FOXP2: variants seen among roughly 807,000 people sequenced by gnomAD.
FOXP2 encodes the protein forkhead box P2, also known as forkhead box protein P2.
Under a neutral mutation model 115.8 loss-of-function variants are expected in FOXP2, and 12 were observed. That is an observed-to-expected ratio of 0.10 (90% CI 0.07 to 0.17). The LOEUF is 0.17. Ranked by LOEUF, FOXP2 falls within the 10% of genes least tolerant of loss-of-function variation. FOXP2 has a pLI of 1.00. For synonymous variants in FOXP2, 328 were observed against 297.7 expected (o/e 1.10, Z -1.05); for missense variants, 629 against 843.5 (o/e 0.75, Z 3.15).
At chr7:114,196,996 A>G (rs1192493290) in intron 1 of FOXP2, among the ~76,000 whole-genome samples, 2 of 152,124 alleles carry the variant, frequency 1.3e-5, no homozygotes, top group Non-Finnish European at 2.9e-5. Context: ...GTTCGAGTCC[A>G]GCCTTGGCAA....
At chr7:114,166,352 A>G (rs1195003204) in intron 1 of FOXP2, among the ~76,000 whole-genome samples, 2 of 152,210 alleles carry the variant, frequency 1.3e-5, no homozygotes, top group Admixed American at 6.5e-5. Flanking sequence ...TTTGTAAAAT[A>G]GGTATCTGAT....
intron 1 of FOXP2, among the ~76,000 whole-genome samples, chr7:114,228,110 A>C (rs1228405625): frequency 3.3e-5 from 5 of 152,080 alleles, no homozygotes; most frequent in Non-Finnish European, 7.4e-5. Context: ...GTTATTTGAA[A>C]GATCAAACCA....
At chr7:114,380,647 G>A (rs1212552297) in intron 2 of FOXP2, among the ~76,000 whole-genome samples, 1 of 152,186 alleles carries the variant, frequency 6.6e-6, no homozygotes, top group Non-Finnish European at 1.5e-5. Flanking sequence ...CGCAGCACTG[G>A]CCCTTCAAGT....
At chr7:114,335,105 C>T (rs1349144971) in intron 2 of FOXP2, among the ~76,000 whole-genome samples, 2 of 151,008 alleles carry the variant, frequency 1.3e-5, no homozygotes, top group African/African-American at 4.9e-5. Flanking sequence ...CCTGTGAACT[C>T]CTTTATTTGT....
At chr7:114,265,712 G>A (rs1318911116) in intron 1 of FOXP2, among the ~76,000 whole-genome samples, 1 of 152,074 alleles carries the variant, frequency 6.6e-6, no homozygotes, top group Non-Finnish European at 1.5e-5. Flanking sequence ...TTCTGTGTGT[G>A]CACCCAGGCT....
At chr7:114,472,121 T>C (rs919466784) in intron 2 of FOXP2, among the ~76,000 whole-genome samples, 3 of 152,062 alleles carry the variant, frequency 2.0e-5, no homozygotes. Flanking sequence ...GCTGAAAGGG[T>C]TAATGAGTAG....
intron 2 of FOXP2, among the ~76,000 whole-genome samples, chr7:114,356,206 A>G (rs765502442): frequency 6.6e-6 from 1 of 152,092 alleles, no homozygotes; most frequent in Non-Finnish European, 1.5e-5. Flanking sequence ...TGTATCTTCT[A>G]TTACTTGGAG....
intron 2 of FOXP2, among the ~76,000 whole-genome samples, chr7:114,387,380 G>A (rs962042732): frequency 7.2e-5 from 11 of 152,270 alleles, no homozygotes; most frequent in Middle Eastern, 3.4e-3. Context: ...ACAGTACAAT[G>A]CTGATGCCAC....
At chr7:114,633,723 T>C (rs1465549695) in intron 6 of FOXP2, among the ~76,000 whole-genome samples, 1 of 152,136 alleles carries the variant, frequency 6.6e-6, no homozygotes, top group Non-Finnish European at 1.5e-5. Flanking sequence ...CCAGCTACAG[T>C]AAAGGAACCT....
intron 3 of FOXP2, among the ~76,000 whole-genome samples, chr7:114,571,422 C>A (rs983060871): frequency 1.3e-5 from 2 of 151,842 alleles, no homozygotes; most frequent in East Asian, 3.9e-4. Context: ...ATCCTCAAGT[C>A]TCCATTCAAG....
chr7:114,405,326 C>T (rs1793009073), intron 2 of FOXP2, among the ~76,000 whole-genome samples: 1 of 151,868 alleles, frequency 6.6e-6, no homozygotes, highest in Admixed American at 6.6e-5. Flanking sequence ...CGATTTCACA[C>T]TGCCCTTAAT....
chr7:114,604,820 T>C (rs1803224924), intron 3 of FOXP2, among the ~76,000 whole-genome samples: 1 of 152,146 alleles, frequency 6.6e-6, no homozygotes, highest in South Asian at 2.1e-4. Flanking sequence ...ATGGGGCTTG[T>C]AGACATAATG....
intron 6 of FOXP2, among the ~76,000 whole-genome samples, chr7:114,636,734 A>C (rs2129330541): frequency 6.6e-6 from 1 of 152,118 alleles, no homozygotes; most frequent in South Asian, 2.1e-4. Context: ...CAGCATTTTC[A>C]AAGCTGTGTT....
intron 2 of FOXP2, among the ~76,000 whole-genome samples, chr7:114,529,371 C>T (rs1360700201): frequency 2.0e-5 from 3 of 151,808 alleles, no homozygotes; most frequent in African/African-American, 7.2e-5. Flanking sequence ...ACTTGAGGAT[C>T]CATTCCATCA....
chr7:114,437,254 T>C (rs945204002), intron 2 of FOXP2, among the ~76,000 whole-genome samples: 1 of 152,174 alleles, frequency 6.6e-6, no homozygotes, highest in African/African-American at 2.4e-5. Flanking sequence ...TCATGCACCT[T>C]TTCCAAATCT....
At chr7:114,143,170 A>ATAG (rs1322057978) in intron 1 of FOXP2, among the ~76,000 whole-genome samples, 1 of 149,182 alleles carries the variant, frequency 6.7e-6, no homozygotes, top group Non-Finnish European at 1.5e-5. Flanking sequence ...AATAATAATA[A>ATAG]TAATAATAAT....
At chr7:114,153,300 C>A (rs770685168) in intron 1 of FOXP2, among the ~76,000 whole-genome samples, 4 of 152,014 alleles carry the variant, frequency 2.6e-5, no homozygotes, top group Non-Finnish European at 5.9e-5. Flanking sequence ...CTCTCTGTTG[C>A]CATAGATTGC....
At chr7:114,537,475 A>G (rs1799454070) in intron 3 of FOXP2, among the ~76,000 whole-genome samples, 1 of 151,620 alleles carries the variant, frequency 6.6e-6, no homozygotes, top group South Asian at 2.1e-4. Flanking sequence ...TGATGGCTCA[A>G]GTCACAAGAA....
chr7:114,588,233 A>G (rs957830610), intron 3 of FOXP2, among the ~76,000 whole-genome samples: 3 of 151,782 alleles, frequency 2.0e-5, no homozygotes, highest in African/African-American at 7.3e-5. Flanking sequence ...CGTGAACCTG[A>G]GAGGCGGAGG....
Sources: allele counts gnomAD v4.1 joint callset (sites outside exome capture counted in the v4.1 genomes callset), GRCh38; gene constraint gnomAD v4.1.1; transcripts MANE v1.5; gene names NCBI Gene and HGNC (gene_info 2026-07-23, HGNC 2026-07-21).